HRK: variants seen among roughly 807,000 people sequenced by gnomAD.
HRK encodes activator of apoptosis harakiri.
HRK carries 6 observed loss-of-function variants against 5.9 expected under a neutral mutation model. That is an observed-to-expected ratio of 1.02 (90% CI 0.56 to 2.01). HRK has a LOEUF of 2.01. Ranked by LOEUF, HRK falls within the 30% of genes most tolerant of loss-of-function variation. HRK has a pLI of 0.00. For synonymous variants in HRK, 85 were observed against 65.1 expected, an observed-to-expected ratio of 1.31 and a Z score of -1.47; for missense variants, 133 against 128.3, an observed-to-expected ratio of 1.04 and a Z score of -0.18.
chr12:116,862,066 G>A lies in HRK; in HGVS notation c.*57-600C>T, dbSNP rs900724461. On this transcript the variant is annotated intron_variant, in intron 1 of 1. Coordinates refer to ENST00000257572, the MANE Select transcript of HRK (RefSeq NM_003806.4). The surrounding 1 kb of genome is among the most constrained non-coding windows in gnomAD (Gnocchi z 4.0). ...CCATGTAAAGAGCACATGCAGTCTG[G>A]GGAAACGTGGTCTATAGGAGCCCAG... 6.6e-6 allele frequency among the ~76,000 whole-genome samples: 1 copy of A among 152,190 alleles called. No homozygotes were observed. Among genetic ancestry groups the A allele is most frequent in the Non-Finnish European group, 1.5e-5 (1 of 68,040 alleles).
rs1469095704 is a variant in HRK at position 116,860,164 on chromosome 12, A to C, written c.*1359T>G. ...AAAATGGCAGTGTGTGGTATCCTGC[A>C]CAGAGGAAGAATACCTGCTTATGTT... On this transcript the variant is annotated 3_prime_UTR_variant, in exon 2 of 2. Transcript: ENST00000257572. The C allele has an allele frequency of 6.6e-6, 1 of 152,256 alleles. No individual in the cohort carries two copies. The highest frequency in any genetic ancestry group is 1.5e-5 in the Non-Finnish European group (1 of 68,052). 9.4% of individuals were successfully genotyped at this position (152,256 alleles called of 1,614,324 possible).
intron 1 of HRK, among the ~76,000 whole-genome samples, chr12:116,863,697 CT>C (rs72323973): frequency 0.016 from 2,285 of 138,618 alleles, 13 homozygotes; most frequent in East Asian, 0.039. Flanking sequence ...AAACCTTTTG[CT>C]TTTTTTTTTT....
rs1036505113 is a variant in HRK, at chr12:116,860,533, G to C, written c.*990C>G. On this transcript the variant is annotated 3_prime_UTR_variant, in exon 2 of 2. Coordinates refer to ENST00000257572, the MANE Select transcript of HRK (RefSeq NM_003806.4). Reference sequence around the variant, plus strand: ...ACTCCGAGGACACTTTTGTGGGGGTGGGGGAGATAGCAACCAAGTCATGCA... The same window carrying C: ...ACTCCGAGGACACTTTTGTGGGGGTCGGGGAGATAGCAACCAAGTCATGCA... 2.6e-5 allele frequency: 4 copies of C among 152,034 alleles called. No homozygotes were observed. Among genetic ancestry groups the C allele is most frequent in the Admixed American group, 2.6e-4 (4 of 15,244 alleles). The allele number at this position is 152,034 out of a possible 1,614,324, so 9.4% of individuals were successfully genotyped here.
At chr12:116,867,234 T>C (rs4480640) in intron 1 of HRK, among the ~76,000 whole-genome samples, 142,419 of 151,906 alleles carry the variant, frequency 0.94, 66,828 homozygotes, top group African/African-American at 0.98. Flanking sequence ...CTCCGCCACC[T>C]TGGTTCAAGC....
rs1381537344 is a variant in HRK at position 116,881,286 on chromosome 12, G to T, written c.22C>A (p.Arg8Ser). 9 of 1,072,460 alleles carry T rather than the reference G, an allele frequency of 8.4e-6. No homozygotes were observed. Among genetic ancestry groups the T allele is most frequent in the Non-Finnish European group, 1.0e-5 (9 of 887,986 alleles). 66.4% of individuals were successfully genotyped at this position (1,072,460 alleles called of 1,614,324 possible). A position where few individuals can be genotyped will look rare whatever the true frequency, so the allele number is the denominator to read the frequency against. Reference sequence around the variant, plus strand: ...CACACGGCCGGGGGGCCGCGGCCGCGGTGCAGGGGGCACGGGCACATGACC... The same window carrying T: ...CACACGGCCGGGGGGCCGCGGCCGCTGTGCAGGGGGCACGGGCACATGACC... Reference protein sequence around the residue: MCPCPLHRGRGPPAVCAC... With the variant: MCPCPLHSGRGPPAVCAC... Residue 8 changes from arginine to serine, a missense_variant, in exon 1 of 2, where the codon CGC becomes AGC. Arg to Ser is a moderately radical substitution (Grantham distance 110, BLOSUM62 -1). Coordinates refer to ENST00000257572, the MANE Select transcript of HRK (RefSeq NM_003806.4).
At position 116,878,070 on chromosome 12, in the gene HRK, C is replaced by CTCAGGTGTACAGGTGTAATT. The variant is rs1879001725; in HGVS notation, c.*56+2905_*56+2906insAATTACACCTGTACACCTGA. On this transcript the variant is annotated intron_variant, in intron 1 of 1. Transcript: ENST00000257572. The surrounding 1 kb of genome is among the most constrained non-coding windows in gnomAD (Gnocchi z 4.4). ...AGCTGGGATTACAGGTGTGCACCAC[C>CTCAGGTGTACAGGTGTAATT]ACGCTCAGCTAATTTTTGTATTTTT... Among the ~76,000 whole-genome samples, 1 of 152,132 alleles carries CTCAGGTGTACAGGTGTAATT rather than the reference C, an allele frequency of 6.6e-6. No individual in the cohort carries two copies. The highest frequency in any genetic ancestry group is 1.5e-5 in the Non-Finnish European group (1 of 68,026).
At chr12:116,867,858 T>C (rs935782705) in intron 1 of HRK, 1 of 152,058 alleles carries the variant, frequency 6.6e-6, no homozygotes, top group Admixed American at 6.6e-5. Flanking sequence ...GTATTTAAAA[T>C]AGGATGCGTG....
chr12:116,868,993 G>A (rs1246912916), intron 1 of HRK, among the ~76,000 whole-genome samples: 4 of 151,232 alleles, frequency 2.6e-5, no homozygotes, highest in Non-Finnish European at 5.9e-5. Flanking sequence ...TAAAGACAGG[G>A]TTTTTAAAAA....
Position 116,881,350 on chromosome 12 carries a change from G to T in HRK, c.-43C>A. 1 of 1,042,390 alleles carries T rather than the reference G, an allele frequency of 9.6e-7. No homozygotes were observed. Among genetic ancestry groups the T allele is most frequent in the Non-Finnish European group, 1.2e-6 (1 of 868,910 alleles). The allele number at this position is 1,042,390 out of a possible 1,614,324, so 64.6% of individuals were successfully genotyped here. ...CCGCCCCGCGCTCGGGCCGCCCCTC[G>T]CCTCCTCTCCCTCCGGCCTCTGCGC... On this transcript the variant is annotated 5_prime_UTR_variant, in exon 1 of 2. Transcript: ENST00000257572.
rs1878338253 is a variant in HRK, at chr12:116,860,885, T to C, written c.*638A>G. On this transcript the variant is annotated 3_prime_UTR_variant, in exon 2 of 2. Transcript: ENST00000257572. ...AATCCCATTTCTCTTGACGTGACAG[T>C]GGGATCTAGCGATCGACCTAGGTAA... is the stretch of plus-strand genomic sequence containing the variant. 6.6e-6 allele frequency: 1 copy of C among 152,218 alleles called. No homozygotes were observed. Among genetic ancestry groups the C allele is most frequent in the Admixed American group, 6.5e-5 (1 of 15,268 alleles). 9.4% of individuals were successfully genotyped at this position (152,218 alleles called of 1,614,324 possible).
At chr12:116,863,761 C>T (rs1878445026) in intron 1 of HRK, among the ~76,000 whole-genome samples, 1 of 151,752 alleles carries the variant, frequency 6.6e-6, no homozygotes, top group Admixed American at 6.6e-5. Flanking sequence ...TGCAGTGGCG[C>T]CATCATAGCT....
Position 116,862,355 on chromosome 12 carries a change from C to A in HRK, c.*57-889G>T, listed in dbSNP as rs747090262. On this transcript the variant is annotated intron_variant, in intron 1 of 1. Coordinates refer to ENST00000257572, the MANE Select transcript of HRK (RefSeq NM_003806.4). This position sits in a 1 kb window ranked among gnomAD's most constrained non-coding sequence, Gnocchi z 4.0. ...AACTGATGAATAAACAAAATGTGGT[C>A]TTTCCATACAATGGACTATTAGTCA... Among the ~76,000 whole-genome samples, 10 of 152,198 alleles carry A rather than the reference C, an allele frequency of 6.6e-5. No homozygotes were observed. Among genetic ancestry groups the A allele is most frequent in the Non-Finnish European group, 1.5e-4 (10 of 68,046 alleles).
rs1418876353 is a variant in HRK at position 116,862,140 on chromosome 12, C to G, written c.*57-674G>C. On this transcript the variant is annotated intron_variant, in intron 1 of 1. Transcript: ENST00000257572. This position sits in a 1 kb window ranked among gnomAD's most constrained non-coding sequence, Gnocchi z 4.0. ...AAAGCAGACTCCTCAGAGAGAGTGG[C>G]AGGCCCCTGCTGACTATTGAAGAGT... Among the ~76,000 whole-genome samples, 1 of 152,198 alleles carries G rather than the reference C, an allele frequency of 6.6e-6. No individual in the cohort carries two copies. The highest frequency in any genetic ancestry group is 1.5e-5 in the Non-Finnish European group (1 of 68,044).
At chr12:116,876,507 G>A (rs1028550455) in intron 1 of HRK, among the ~76,000 whole-genome samples, 4 of 152,078 alleles carry the variant, frequency 2.6e-5, no homozygotes, top group Non-Finnish European at 5.9e-5. Flanking sequence ...CACTGACCAC[G>A]TCGCCTTATG....
At chr12:116,869,884 CAA>C (rs1313516072) in intron 1 of HRK, among the ~76,000 whole-genome samples, 1 of 152,124 alleles carries the variant, frequency 6.6e-6, no homozygotes, top group East Asian at 1.9e-4. Flanking sequence ...GTTAGAGCAC[CAA>C]ACTGGCCAAC....
chr12:116,874,643 T>C (rs1317036992), intron 1 of HRK, among the ~76,000 whole-genome samples: 8 of 152,218 alleles, frequency 5.3e-5, no homozygotes, highest in African/African-American at 1.9e-4. Context: ...GCTTGTGACT[T>C]GCTTCTGACC....
intron 1 of HRK, among the ~76,000 whole-genome samples, chr12:116,869,918 A>G (rs1028617811): frequency 6.6e-6 from 1 of 152,114 alleles, no homozygotes; most frequent in Non-Finnish European, 1.5e-5. Context: ...CTTCTCTACT[A>G]AAAATACAAA....
At chr12:116,868,994 T>C (rs1878646945) in intron 1 of HRK, among the ~76,000 whole-genome samples, 1 of 148,426 alleles carries the variant, frequency 6.7e-6, no homozygotes, top group Non-Finnish European at 1.5e-5. Context: ...AAAGACAGGG[T>C]TTTTAAAAAC....
intron 1 of HRK, among the ~76,000 whole-genome samples, chr12:116,880,376 C>T (rs1248922337): frequency 6.6e-6 from 1 of 152,126 alleles, no homozygotes; most frequent in East Asian, 1.9e-4. Context: ...AGGAAAATTG[C>T]AAATGCGCGG....
Sources: gnomAD v4.1 joint callset for allele counts (sites outside exome capture counted in the v4.1 genomes callset) on GRCh38, gnomAD v4.1.1 for gene constraint, Gnocchi (gnomAD v3.1) non-coding constraint, MANE v1.5 for transcripts, NCBI Gene and HGNC (gene_info 2026-07-23, HGNC 2026-07-21) for gene names.